The following POTEC variants were observed in gnomAD, a reference collection of about 807,000 sequenced individuals.
POTEC encodes the protein POTE ankyrin domain family member C.
In POTEC, 35 loss-of-function variants were observed where a neutral mutation model predicts 62.0. The observed-to-expected ratio is 0.56, with a 90% CI of 0.43 to 0.75. The LOEUF is 0.75. Ranked by LOEUF, POTEC falls within the 30% of genes least tolerant of loss-of-function variation. The probability of loss-of-function intolerance (pLI) is 0.00; values close to 1 mark genes in which losing one functional copy is unlikely to be tolerated. For synonymous variants in POTEC, 156 were observed against 221.5 expected (o/e 0.70, Z 2.62); for missense variants, 472 against 655.9 (o/e 0.72, Z 3.06).
At chr18:14,527,674 C>G (rs1303215350) in intron 6 of POTEC, 1 of 152,090 alleles carries the variant, frequency 6.6e-6, no homozygotes, top group African/African-American at 2.4e-5. Flanking sequence ...ACCACTGCCA[C>G]TGAGAACATA....
rs747027518 is a variant in POTEC, at chr18:14,522,284, A to T, written c.1379T>A (p.Phe460Tyr). Residue 460 changes from phenylalanine to tyrosine, a missense_variant, in exon 9 of 11, where the codon TTT becomes TAT. Physicochemically the swap from Phe to Tyr is conservative, Grantham distance 22 (BLOSUM62 3). This residue lies in a region of POTEC where 83 missense variants were observed against 254.3 expected (regional missense o/e 0.33). Coordinates refer to ENST00000358970, the MANE Select transcript of POTEC (RefSeq NM_001137671.2). ...ATACTCTTCATTCTCAGTGTCAGGAAATTGCTGATTTTCAGGTTTTCTGCT... is the reference window on the plus strand; with the variant it reads ...ATACTCTTCATTCTCAGTGTCAGGATATTGCTGATTTTCAGGTTTTCTGCT... Reference protein sequence around the residue: ...RRSRKPENQQFPDTENEEYHS... With the variant: ...RRSRKPENQQYPDTENEEYHS... The T allele has an allele frequency of 6.3e-7, 1 of 1,582,720 alleles. No individual in the cohort carries two copies. Among genetic ancestry groups the T allele is most frequent in the African/African-American group, 1.4e-5 (1 of 72,806 alleles).
intron 1 of POTEC, among the ~76,000 whole-genome samples, chr18:14,540,522 A>G (rs1257477860): frequency 1.3e-5 from 2 of 152,162 alleles, no homozygotes; most frequent in African/African-American, 4.8e-5. Context: ...GATATAGCAA[A>G]GTACATCTTT....
intron 1 of POTEC, among the ~76,000 whole-genome samples, chr18:14,542,397 C>T (rs528590988): frequency 3.3e-5 from 5 of 152,226 alleles, no homozygotes; most frequent in Admixed American, 2.6e-4. Flanking sequence ...TTAAAACCGT[C>T]TATTAGTGTT....
chr18:14,519,560 T>C (rs1424629457), intron 9 of POTEC, among the ~76,000 whole-genome samples: 3 of 151,778 alleles, frequency 2.0e-5, no homozygotes, highest in African/African-American at 7.3e-5. Flanking sequence ...CTACTAAAAA[T>C]ACAAAAATCA....
At chr18:14,537,677 A>G in intron 3 of POTEC, 124 bp downstream of exon 3, 2 of 1,118,976 alleles carry the variant, frequency 1.8e-6, no homozygotes, top group South Asian at 1.7e-5. Flanking sequence ...TAATTAAGTC[A>G]TTTCAAAATA....
At position 14,543,179 on chromosome 18, in the gene POTEC, G is replaced by A; in HGVS notation, c.-33C>T. 3 of 1,613,562 alleles carry A rather than the reference G, an allele frequency of 1.9e-6. No individual in the cohort carries two copies. Among genetic ancestry groups the A allele is most frequent in the Non-Finnish European group, 8.5e-7 (1 of 1,179,700 alleles). On this transcript the variant is annotated 5_prime_UTR_variant, in exon 1 of 11. Coordinates refer to ENST00000358970, the MANE Select transcript of POTEC (RefSeq NM_001137671.2). ...TAACAGCCCGGGGAGGCCGGTAGTA[G>A]CGAACAGATCGCGTCTACCAACCAG...
At chr18:14,516,079 A>C (rs1188221369) in intron 9 of POTEC, among the ~76,000 whole-genome samples, 1 of 150,448 alleles carries the variant, frequency 6.6e-6, no homozygotes, top group Admixed American at 6.6e-5. Flanking sequence ...TGGGGATACA[A>C]ATTAGTACAA....
At position 14,511,707 on chromosome 18, in the gene POTEC, T is replaced by C; in HGVS notation, c.*191A>G. The C allele has an allele frequency of 1.6e-6, 1 of 637,128 alleles. No homozygotes were observed. Among genetic ancestry groups the C allele is most frequent in the Non-Finnish European group, 2.8e-6 (1 of 353,986 alleles). The allele number at this position is 637,128 out of a possible 1,614,324, so 39.5% of individuals were successfully genotyped here. On this transcript the variant is annotated 3_prime_UTR_variant, in exon 11 of 11. Transcript: ENST00000358970. ...AGTGTTTCCTAGCTGTGTCTTACAT[T>C]CTCCAGTTCAGAACTGAGCATTCTC...
rs570941060 is a variant in POTEC at position 14,519,965 on chromosome 18, G to C, written c.1409+2289C>G. ...TTAAATAAAATGAGGTGGAAGAAAAGTGCCTAGATTTATTACAGAAAAAAA... is the reference window on the plus strand; with the variant it reads ...TTAAATAAAATGAGGTGGAAGAAAACTGCCTAGATTTATTACAGAAAAAAA... On this transcript the variant is annotated intron_variant, in intron 9 of 10. Coordinates refer to ENST00000358970, the MANE Select transcript of POTEC (RefSeq NM_001137671.2). Among the ~76,000 whole-genome samples, 6 of 152,226 alleles carry C rather than the reference G, an allele frequency of 3.9e-5. No individual in the cohort carries two copies. The East Asian group carries it at 9.7e-4, about 25-fold the overall frequency.
intron 5 of POTEC, among the ~76,000 whole-genome samples, chr18:14,532,510 C>T (rs1905558928): frequency 6.6e-6 from 1 of 152,072 alleles, no homozygotes; most frequent in Admixed American, 6.5e-5. Context: ...CAACAATTAC[C>T]AGGCAGCAGA....
intron 1 of POTEC, among the ~76,000 whole-genome samples, chr18:14,542,422 A>G (rs548633373): frequency 2.0e-5 from 3 of 152,166 alleles, no homozygotes; most frequent in Admixed American, 6.5e-5. Context: ...AAGGGAAATT[A>G]TAATTGGATT....
intron 6 of POTEC, among the ~76,000 whole-genome samples, 191 bp from the exon 7 acceptor site, chr18:14,525,174 G>A (rs1173298739): frequency 2.0e-5 from 3 of 151,910 alleles, no homozygotes; most frequent in East Asian, 3.9e-4. Context: ...GACACCTGAT[G>A]TGATTCACTC....
intron 9 of POTEC, among the ~76,000 whole-genome samples, chr18:14,521,413 C>A (rs1382682055): frequency 6.6e-6 from 1 of 152,168 alleles, no homozygotes; most frequent in Non-Finnish European, 1.5e-5. Context: ...TTGCATACTG[C>A]ATTATTTTCT....
chr18:14,507,815 CTT>C lies in POTEC; in HGVS notation c.*4081_*4082del, dbSNP rs1170899086. 1.3e-5 allele frequency: 2 copies of C among 152,178 alleles called. No individual in the cohort carries two copies. The highest frequency in any genetic ancestry group is 2.9e-5 in the Non-Finnish European group (2 of 68,030). 9.4% of individuals were successfully genotyped at this position (152,178 alleles called of 1,614,324 possible). ...CAGCATTTGCTTGTCTGAAAACGATCTTGTTTCTCCTTCACTTATGATGCTTA... is the reference window on the plus strand; with the variant it reads ...CAGCATTTGCTTGTCTGAAAACGATCGTTTCTCCTTCACTTATGATGCTTA... On this transcript the variant is annotated 3_prime_UTR_variant, in exon 11 of 11. Coordinates refer to ENST00000358970, the MANE Select transcript of POTEC (RefSeq NM_001137671.2).
intron 9 of POTEC, among the ~76,000 whole-genome samples, chr18:14,518,797 T>C (rs910357046): frequency 1.4e-5 from 2 of 147,774 alleles, no homozygotes. Flanking sequence ...GTGCCTGGCA[T>C]CTTTAAGCAC....
At chr18:14,521,387 C>G (rs1051313320) in intron 9 of POTEC, among the ~76,000 whole-genome samples, 2 of 152,126 alleles carry the variant, frequency 1.3e-5, no homozygotes, top group African/African-American at 4.8e-5. Context: ...GATCTAACCT[C>G]ATTTGTAAAA....
At chr18:14,516,215 A>T (rs1025247679) in intron 9 of POTEC, among the ~76,000 whole-genome samples, 2 of 144,958 alleles carry the variant, frequency 1.4e-5, no homozygotes, top group African/African-American at 5.1e-5. Context: ...CTATATACAT[A>T]TGTTTACTGC....
At chr18:14,513,917 T>C in intron 9 of POTEC, 132 bp from the exon 10 acceptor site, 1 of 1,522,152 alleles carries the variant, frequency 6.6e-7, no homozygotes, top group East Asian at 2.3e-5. Context: ...CAAAGGGGTC[T>C]CACATCTGTT....
chr18:14,537,042 GCCT>G (rs1905741504), intron 3 of POTEC, among the ~76,000 whole-genome samples: 1 of 150,766 alleles, frequency 6.6e-6, no homozygotes. Flanking sequence ...TTCCTCAGAG[GCCT>G]CCTAAAATTT....
Sources: gnomAD v4.1 joint callset for allele counts (sites outside exome capture counted in the v4.1 genomes callset) on GRCh38, gnomAD v4.1.1 for gene constraint, gnomAD v4.1.1 regional missense constraint, MANE v1.5 for transcripts, NCBI Gene and HGNC (gene_info 2026-07-23, HGNC 2026-07-21) for gene names.